The following STARD13 variants were observed in gnomAD, a reference collection of about 807,000 sequenced individuals.
STARD13 encodes stAR-related lipid transfer protein 13.
In STARD13, 62 loss-of-function variants were observed where a neutral mutation model predicts 106.4. The observed-to-expected ratio is 0.58, with a 90% CI of 0.48 to 0.72. The LOEUF is 0.72. Among genes scored for constraint, STARD13 ranks in the 30% least tolerant of loss-of-function variants. The pLI is 0.00. For synonymous variants in STARD13, 565 were observed against 553.0 expected (o/e 1.02, Z -0.31); for missense variants, 1,387 against 1,424.0 (o/e 0.97, Z 0.42).
chr13:33,663,605 A>G, the STARD13 span, among the ~76,000 whole-genome samples: 1 of 152,240 alleles, frequency 6.6e-6, no homozygotes, highest in East Asian at 1.9e-4. Context: ...AAAGAATTAC[A>G]AAGACATACA....
the STARD13 span, among the ~76,000 whole-genome samples, chr13:33,460,489 TA>T: frequency 6.9e-3 from 948 of 137,822 alleles, no homozygotes; most frequent in African/African-American, 0.013. Flanking sequence ...GACTCCATCT[TA>T]AAAAAAAAAA....
chr13:33,565,736 A>G, the STARD13 span, among the ~76,000 whole-genome samples: 1 of 148,222 alleles, frequency 6.7e-6, no homozygotes, highest in South Asian at 2.2e-4. Flanking sequence ...ACAGAAGGGC[A>G]TGATTACTGG....
the STARD13 span, among the ~76,000 whole-genome samples, chr13:33,385,861 A>C: frequency 1.4e-5 from 2 of 147,932 alleles, no homozygotes; most frequent in African/African-American, 5.1e-5. Flanking sequence ...AAAAAAAAAA[A>C]AACAAAAAAA....
At chr13:33,363,360 T>A in the STARD13 span, among the ~76,000 whole-genome samples, 1 of 152,228 alleles carries the variant, frequency 6.6e-6, no homozygotes, top group Non-Finnish European at 1.5e-5. Flanking sequence ...TAGTCTTATA[T>A]GCAGGCCACC....
chr13:33,429,034 C>T, the STARD13 span, among the ~76,000 whole-genome samples: 4 of 151,994 alleles, frequency 2.6e-5, no homozygotes, highest in African/African-American at 7.2e-5. Flanking sequence ...CAAATGCTGG[C>T]GTGAATGTGG....
the STARD13 span, among the ~76,000 whole-genome samples, chr13:33,636,498 C>T: frequency 6.6e-6 from 1 of 152,118 alleles, no homozygotes; most frequent in African/African-American, 2.4e-5. Context: ...AACCGGGACT[C>T]TCCCAGGAAC....
chr13:33,467,655 G>A, the STARD13 span, among the ~76,000 whole-genome samples: 1,042 of 152,234 alleles, frequency 6.8e-3, 13 homozygotes, highest in African/African-American at 0.023. Context: ...TAATAATGGC[G>A]TGGTGACCAG....
intron 8 of STARD13, chr13:33,117,709 T>A (rs1439625852): frequency 1.5e-5 from 14 of 915,252 alleles, no homozygotes; most frequent in Non-Finnish European, 1.7e-5. Flanking sequence ...CTTACTTTTT[T>A]AAAAAATTGA....
At chr13:33,250,311 A>G (rs1303442885) in intron 1 of STARD13, among the ~76,000 whole-genome samples, 2 of 152,220 alleles carry the variant, frequency 1.3e-5, no homozygotes, top group African/African-American at 4.8e-5. Flanking sequence ...AAAGTTCCCT[A>G]TAGGAAAGCT....
chr13:33,443,485 C>T, the STARD13 span, among the ~76,000 whole-genome samples: 1 of 151,154 alleles, frequency 6.6e-6, no homozygotes, highest in Non-Finnish European at 1.5e-5. Flanking sequence ...GAAGCACACA[C>T]TCTATTGCAA....
chr13:33,428,805 G>A, the STARD13 span, among the ~76,000 whole-genome samples: 1 of 152,110 alleles, frequency 6.6e-6, no homozygotes, highest in African/African-American at 2.4e-5. Context: ...GAGCTTTTTA[G>A]GAGCCCAAAC....
the STARD13 span, among the ~76,000 whole-genome samples, chr13:33,530,869 G>T: frequency 1.5e-4 from 23 of 152,244 alleles, no homozygotes; most frequent in African/African-American, 5.3e-4. Flanking sequence ...TGGCTACCTA[G>T]TGTTACAGTT....
At chr13:33,424,634 C>G in the STARD13 span, among the ~76,000 whole-genome samples, 3 of 152,142 alleles carry the variant, frequency 2.0e-5, no homozygotes, top group Non-Finnish European at 2.9e-5. Flanking sequence ...TAAGGTTTCT[C>G]TGGCAGCGTC....
intron 1 of STARD13, chr13:33,188,048 G>A (rs1885933397): frequency 6.6e-6 from 1 of 152,220 alleles, no homozygotes; most frequent in South Asian, 2.1e-4. Context: ...AGACCTTTGA[G>A]TGGACTCTGA....
At chr13:33,502,788 G>A in the STARD13 span, among the ~76,000 whole-genome samples, 8 of 152,228 alleles carry the variant, frequency 5.3e-5, no homozygotes, top group Non-Finnish European at 1.0e-4. Flanking sequence ...CGGTTTGCCA[G>A]TATTTTATTG....
chr13:33,400,354 C>A, the STARD13 span, among the ~76,000 whole-genome samples: 1 of 152,116 alleles, frequency 6.6e-6, no homozygotes, highest in African/African-American at 2.4e-5. Context: ...ATATATGCCA[C>A]ATTTTCTTTA....
chr13:33,120,538 G>A (rs1876121718), intron 7 of STARD13, among the ~76,000 whole-genome samples: 1 of 152,130 alleles, frequency 6.6e-6, no homozygotes, highest in South Asian at 2.1e-4. Flanking sequence ...CCCTGGCCTT[G>A]TCTTCTAGGG....
intron 1 of STARD13, among the ~76,000 whole-genome samples, chr13:33,219,518 CAAAAAAAAAA>C (rs55933962): frequency 7.5e-4 from 46 of 61,242 alleles, no homozygotes; most frequent in African/African-American, 1.7e-3. Flanking sequence ...GACTCCTTCT[CAAAAAAAAAA>C]AAAAAAAAAA....
At chr13:33,552,515 A>G in the STARD13 span, among the ~76,000 whole-genome samples, 47 of 152,220 alleles carry the variant, frequency 3.1e-4, no homozygotes, top group African/African-American at 1.0e-3. Flanking sequence ...ACATTCTAAG[A>G]CTAGATTGTG....
Sources: allele counts gnomAD v4.1 joint callset (sites outside exome capture counted in the v4.1 genomes callset), GRCh38; gene constraint gnomAD v4.1.1; transcripts MANE v1.5; gene names NCBI Gene and HGNC (gene_info 2026-07-23, HGNC 2026-07-21).